The following ENOPH1 variants were observed in gnomAD, a reference collection of about 807,000 sequenced individuals.
The protein encoded by ENOPH1 is enolase-phosphatase E1.
Under a neutral mutation model 31.1 loss-of-function variants are expected in ENOPH1, and 14 were observed. The observed-to-expected ratio is 0.45, with a 90% CI of 0.30 to 0.70. The LOEUF (loss-of-function observed/expected upper bound fraction) is 0.70, where lower values mean the gene tolerates loss of function less well. Ranked by LOEUF, ENOPH1 falls within the 30% of genes least tolerant of loss-of-function variation. ENOPH1 has a pLI of 0.09. For missense variants in ENOPH1, 243 were observed against 321.5 expected (o/e 0.76, Z 1.87); for synonymous variants, 127 against 123.2 (o/e 1.03, Z -0.21).
intron 1 of ENOPH1, among the ~76,000 whole-genome samples, chr4:82,440,577 C>T (rs1410355012): frequency 1.3e-5 from 2 of 152,240 alleles, no homozygotes. Flanking sequence ...TTCCCCTCCA[C>T]TGTTAAGGAC....
chr4:82,444,438 C>T (rs9759594), intron 1 of ENOPH1, among the ~76,000 whole-genome samples: 6,518 of 152,086 alleles, frequency 0.043, 477 homozygotes, highest in African/African-American at 0.15. Flanking sequence ...GGCCTGGCCT[C>T]TCAGCACTAT....
intron 2 of ENOPH1, among the ~76,000 whole-genome samples, chr4:82,448,828 G>A (rs1722265681): frequency 6.6e-6 from 1 of 151,390 alleles, no homozygotes; most frequent in African/African-American, 2.4e-5. Context: ...GGAGGCCGAG[G>A]CGGGCGGATC....
chr4:82,438,478 A>AC (rs1487132356), intron 1 of ENOPH1, among the ~76,000 whole-genome samples: 1 of 152,008 alleles, frequency 6.6e-6, no homozygotes, highest in African/African-American at 2.4e-5. Flanking sequence ...ACATAGGGAG[A>AC]CCCCATCTCT....
At chr4:82,440,009 T>C (rs1721999652) in intron 1 of ENOPH1, among the ~76,000 whole-genome samples, 4 of 152,030 alleles carry the variant, frequency 2.6e-5, no homozygotes, top group Admixed American at 2.6e-4. Flanking sequence ...GACATGCAAG[T>C]GGGGATATTG....
chr4:82,441,844 A>G (rs577984660), intron 1 of ENOPH1, among the ~76,000 whole-genome samples: 1 of 152,328 alleles, frequency 6.6e-6, no homozygotes, highest in South Asian at 2.1e-4. Flanking sequence ...ACATTTTCCT[A>G]ATACTATTAT....
chr4:82,452,112 T>G (rs921245526), intron 3 of ENOPH1, among the ~76,000 whole-genome samples: 2 of 151,090 alleles, frequency 1.3e-5, no homozygotes, highest in African/African-American at 4.9e-5. Context: ...GGGGTCTTGC[T>G]CTGTGATCCA....
At chr4:82,440,922 G>C (rs979952511) in intron 1 of ENOPH1, among the ~76,000 whole-genome samples, 1 of 152,120 alleles carries the variant, frequency 6.6e-6, no homozygotes, top group African/African-American at 2.4e-5. Flanking sequence ...CCATGAAGAC[G>C]AGGACAGTAG....
intron 2 of ENOPH1, 28 bp from the exon 3 acceptor site, chr4:82,451,015 C>A (rs773725902): frequency 4.4e-6 from 7 of 1,587,504 alleles, no homozygotes; most frequent in South Asian, 1.1e-5. Context: ...AAGCAAAAAA[C>A]AAACATCATG....
intron 1 of ENOPH1, among the ~76,000 whole-genome samples, chr4:82,444,286 A>G (rs1192306491): frequency 2.0e-5 from 3 of 151,862 alleles, no homozygotes; most frequent in Non-Finnish European, 4.4e-5. Context: ...CAGTGGCACA[A>G]TCTCGGCTCA....
chr4:82,455,744 C>T (rs1722472799), intron 4 of ENOPH1, among the ~76,000 whole-genome samples: 1 of 151,914 alleles, frequency 6.6e-6, no homozygotes, highest in Admixed American at 6.6e-5. Context: ...TGAGATCGTG[C>T]CACTGCACTC....
intron 1 of ENOPH1, among the ~76,000 whole-genome samples, chr4:82,445,011 A>G (rs1180734327): frequency 2.0e-5 from 3 of 152,224 alleles, no homozygotes; most frequent in African/African-American, 7.2e-5. Context: ...TAAGCTCAGG[A>G]GTTCAAGACC....
Position 82,430,678 on chromosome 4 carries a change from C to A in ENOPH1, c.-152C>A. 1 of 649,370 alleles carries A rather than the reference C, an allele frequency of 1.5e-6. No individual in the cohort carries two copies. The highest frequency in any genetic ancestry group is 2.7e-6 in the Non-Finnish European group (1 of 374,078). 40.2% of individuals were successfully genotyped at this position (649,370 alleles called of 1,614,324 possible). Reference sequence around the variant, plus strand: ...TTCCAGGTGTGCAGAAGTGTCCTCTCCCCACGCGCGGCGGGCTGCACTTGG... The same window carrying A: ...TTCCAGGTGTGCAGAAGTGTCCTCTACCCACGCGCGGCGGGCTGCACTTGG... On this transcript the variant is annotated 5_prime_UTR_variant, in exon 1 of 6. Transcript: ENST00000273920.
chr4:82,438,846 A>G (rs1560463339), intron 1 of ENOPH1, among the ~76,000 whole-genome samples: 1 of 152,134 alleles, frequency 6.6e-6, no homozygotes, highest in Non-Finnish European at 1.5e-5. Flanking sequence ...CTTGCAGCTT[A>G]CCCTGTGTTA....
intron 1 of ENOPH1, among the ~76,000 whole-genome samples, chr4:82,432,218 A>C (rs982783629): frequency 1.3e-5 from 2 of 152,184 alleles, no homozygotes; most frequent in Admixed American, 6.5e-5. Context: ...TGTAGGTTAT[A>C]ATATAAAATC....
At chr4:82,436,710 G>A (rs1268262765) in intron 1 of ENOPH1, among the ~76,000 whole-genome samples, 1 of 150,140 alleles carries the variant, frequency 6.7e-6, no homozygotes, top group Non-Finnish European at 1.5e-5. Context: ...AAAAATGGTG[G>A]ATAGAAAGCA....
At chr4:82,457,446 C>T (rs932470857) in intron 5 of ENOPH1, among the ~76,000 whole-genome samples, 4 of 152,120 alleles carry the variant, frequency 2.6e-5, no homozygotes, top group African/African-American at 7.2e-5. Context: ...CCCAGGAGGT[C>T]GAGGCCGCAG....
intron 1 of ENOPH1, among the ~76,000 whole-genome samples, chr4:82,441,342 G>T (rs1722033679): frequency 6.6e-6 from 1 of 152,210 alleles, no homozygotes; most frequent in Admixed American, 6.5e-5. Context: ...CCATCAGGTT[G>T]TCAGGTGTGG....
At chr4:82,433,592 AAGTT>A (rs1436268240) in intron 1 of ENOPH1, among the ~76,000 whole-genome samples, 3 of 152,238 alleles carry the variant, frequency 2.0e-5, no homozygotes, top group Non-Finnish European at 4.4e-5. Context: ...GTTTAAAAGA[AAGTT>A]AGGTCTGTGT....
chr4:82,430,602 T>C lies in ENOPH1; in HGVS notation c.-228T>C, dbSNP rs1457586472. ...TCCTGCCCACGTGGTCTCGGGCTCC[T>C]GCCCCGTCCTGCTCACGAGTTCAGG... On this transcript the variant is annotated 5_prime_UTR_variant, in exon 1 of 6. Coordinates refer to ENST00000273920, the MANE Select transcript of ENOPH1 (RefSeq NM_021204.5). The C allele has an allele frequency of 9.6e-6, 5 of 520,850 alleles. No individual in the cohort carries two copies. Among genetic ancestry groups the C allele is most frequent in the Non-Finnish European group, 1.7e-5 (5 of 292,080 alleles). 32.3% of individuals were successfully genotyped at this position (520,850 alleles called of 1,614,324 possible).
Sources: gnomAD v4.1 joint callset for allele counts (sites outside exome capture counted in the v4.1 genomes callset) on GRCh38, gnomAD v4.1.1 for gene constraint, MANE v1.5 for transcripts, NCBI Gene and HGNC (gene_info 2026-07-23, HGNC 2026-07-21) for gene names.